NUP37: variants seen among roughly 807,000 people sequenced by gnomAD.
NUP37 encodes the protein nucleoporin Nup37.
A neutral mutation model predicts 45.4 loss-of-function variants in NUP37; 33 were observed. The observed-to-expected ratio is 0.73, with a 90% CI of 0.55 to 0.97. The LOEUF is 0.97. NUP37 is among the 50% of genes least tolerant of loss of function. The pLI is 0.00. For missense variants in NUP37, 365 were observed against 389.7 expected (o/e 0.94, Z 0.53); for synonymous variants, 127 against 130.7 (o/e 0.97, Z 0.19).
intron 5 of NUP37, among the ~76,000 whole-genome samples, chr12:102,087,839 G>A (rs1307204188): frequency 6.6e-6 from 1 of 152,076 alleles, no homozygotes; most frequent in African/African-American, 2.4e-5. Flanking sequence ...TCAAATGAAG[G>A]AAACAGAAGA....
intron 2 of NUP37, among the ~76,000 whole-genome samples, chr12:102,116,936 A>G (rs1359522931): frequency 6.6e-6 from 1 of 152,206 alleles, no homozygotes; most frequent in Admixed American, 6.5e-5. Flanking sequence ...CGGGAGGCAG[A>G]GGTTGCAGTG....
At chr12:102,108,077 T>C (rs1880206634) in intron 3 of NUP37, among the ~76,000 whole-genome samples, 2 of 152,214 alleles carry the variant, frequency 1.3e-5, no homozygotes, top group Admixed American at 1.3e-4. Context: ...GATTGAAGGA[T>C]ACAAAGTACT....
In NUP37 at chr12:102,076,417, G is replaced by A. The variant is rs144179253; in HGVS notation, c.773+380C>T. ...TTTAAGTGAAAAGCAAAAACATGTCGCAGAGATATACTATCTAGCATAGTT... is the reference window on the plus strand; with the variant it reads ...TTTAAGTGAAAAGCAAAAACATGTCACAGAGATATACTATCTAGCATAGTT... On this transcript the variant is annotated intron_variant, in intron 8 of 9. Transcript: ENST00000552283. Among the ~76,000 whole-genome samples, 1,334 of 152,228 alleles carry A rather than the reference G, an allele frequency of 8.8e-3. 23 individuals carry two copies. Among genetic ancestry groups the A allele is most frequent in the African/African-American group, 0.03 (1,239 of 41,534 alleles).
At chr12:102,083,671 CAATT>C (rs1449245965) in intron 6 of NUP37, among the ~76,000 whole-genome samples, 2 of 152,214 alleles carry the variant, frequency 1.3e-5, no homozygotes, top group South Asian at 2.1e-4. Flanking sequence ...AGTGTAGTGA[CAATT>C]AACCCTTGAA....
At chr12:102,112,760 T>C (rs779622109) in intron 2 of NUP37, among the ~76,000 whole-genome samples, 1 of 152,246 alleles carries the variant, frequency 6.6e-6, no homozygotes, top group Non-Finnish European at 1.5e-5. Context: ...TCTCACTACA[T>C]GGAAAATACT....
intron 5 of NUP37, among the ~76,000 whole-genome samples, chr12:102,092,186 A>G (rs1482694603): frequency 6.6e-6 from 1 of 152,208 alleles, no homozygotes; most frequent in Non-Finnish European, 1.5e-5. Flanking sequence ...AATTCATCGC[A>G]GAAGGGAATT....
At chr12:102,113,881 T>C (rs1483499571) in intron 2 of NUP37, among the ~76,000 whole-genome samples, 1 of 152,216 alleles carries the variant, frequency 6.6e-6, no homozygotes, top group Non-Finnish European at 1.5e-5. Flanking sequence ...TTTTCCAGGA[T>C]AGCCTATGGG....
At chr12:102,101,608 A>G (rs1288617864) in intron 3 of NUP37, among the ~76,000 whole-genome samples, 3 of 152,182 alleles carry the variant, frequency 2.0e-5, no homozygotes, top group Non-Finnish European at 4.4e-5. Flanking sequence ...ATAAAAGCTG[A>G]TAATATTTAT....
At chr12:102,111,258 G>A (rs1329170245) in intron 3 of NUP37, among the ~76,000 whole-genome samples, 1 of 152,164 alleles carries the variant, frequency 6.6e-6, no homozygotes, top group Non-Finnish European at 1.5e-5. Flanking sequence ...ATAGAAATCA[G>A]ATCAATGGTT....
At chr12:102,115,633 T>G (rs1328072366) in intron 2 of NUP37, among the ~76,000 whole-genome samples, 5 of 152,218 alleles carry the variant, frequency 3.3e-5, no homozygotes, top group Non-Finnish European at 7.3e-5. Flanking sequence ...CAGTTAACAG[T>G]ACTATCATTC....
intron 6 of NUP37, among the ~76,000 whole-genome samples, chr12:102,079,705 A>C (rs1879278495): frequency 6.6e-6 from 1 of 152,164 alleles, no homozygotes; most frequent in African/African-American, 2.4e-5. Context: ...GCACTACATT[A>C]CTGTGCTTGG....
chr12:102,115,279 T>C (rs1301129141), intron 2 of NUP37, among the ~76,000 whole-genome samples: 3 of 152,118 alleles, frequency 2.0e-5, no homozygotes, highest in Admixed American at 6.5e-5. Context: ...TGCTGTCTGA[T>C]ATGGTGGCCA....
chr12:102,074,270 AT>A lies in NUP37; in HGVS notation c.*83del. 1.4e-6 allele frequency: 1 copy of A among 737,798 alleles called. No homozygotes were observed. The highest frequency in any genetic ancestry group is 2.2e-6 in the Non-Finnish European group (1 of 450,320). The allele number at this position is 737,798 out of a possible 1,614,324, so 45.7% of individuals were successfully genotyped here. A position where few individuals can be genotyped will look rare whatever the true frequency, so the allele number is the denominator to read the frequency against. On this transcript the variant is annotated 3_prime_UTR_variant, in exon 10 of 10. Coordinates refer to ENST00000552283, the MANE Select transcript of NUP37 (RefSeq NM_024057.4). ...AGTATACGGTATATTTGATATAAAA[AT>A]TCTTCAAAATATGTACTATAGAAAT... is the stretch of plus-strand genomic sequence containing the variant.
At chr12:102,085,286 G>T (rs1374783544) in intron 6 of NUP37, among the ~76,000 whole-genome samples, 1 of 152,098 alleles carries the variant, frequency 6.6e-6, no homozygotes, top group African/African-American at 2.4e-5. Flanking sequence ...GCCAGGTGTG[G>T]TGGCATGTGC....
chr12:102,117,485 G>T (rs1880498823), intron 2 of NUP37, among the ~76,000 whole-genome samples: 1 of 152,020 alleles, frequency 6.6e-6, no homozygotes, highest in African/African-American at 2.4e-5. Context: ...ATAGACAAAG[G>T]ATTAACCAGA....
At position 102,074,221 on chromosome 12, in the gene NUP37, A is replaced by G; in HGVS notation, c.*133T>C. The G allele has an allele frequency of 2.0e-6, 1 of 493,780 alleles. No homozygotes were observed. Among genetic ancestry groups the G allele is most frequent in the Non-Finnish European group, 3.5e-6 (1 of 282,480 alleles). 30.6% of individuals were successfully genotyped at this position (493,780 alleles called of 1,614,324 possible). A position where few individuals can be genotyped will look rare whatever the true frequency, so the allele number is the denominator to read the frequency against. The stretch of plus-strand genomic sequence containing the variant: ...TCAAACCATCAACATTTTATTTAAT[A>G]AAAGCAACTGAGACATTTTCTAAAG... On this transcript the variant is annotated 3_prime_UTR_variant, in exon 10 of 10. Transcript: ENST00000552283.
intron 3 of NUP37, among the ~76,000 whole-genome samples, chr12:102,109,427 G>T (rs1880251903): frequency 1.3e-5 from 2 of 152,052 alleles, no homozygotes; most frequent in African/African-American, 2.4e-5. Flanking sequence ...AAAGTACAGA[G>T]AGTTACTATA....
chr12:102,115,826 C>T (rs1565838111), intron 2 of NUP37: 1 of 982,034 alleles, frequency 1.0e-6, no homozygotes, highest in African/African-American at 1.7e-5. Flanking sequence ...TCTCTCAAGA[C>T]AAGAGGCATG....
intron 5 of NUP37, 101 bp downstream of exon 5, chr12:102,099,005 A>G: frequency 3.7e-6 from 3 of 813,956 alleles, no homozygotes; most frequent in African/African-American, 1.7e-5. Flanking sequence ...ACAACACTCT[A>G]TAGAATTTAT....
Sources: allele counts gnomAD v4.1 joint callset (sites outside exome capture counted in the v4.1 genomes callset), GRCh38; gene constraint gnomAD v4.1.1; transcripts MANE v1.5; gene names NCBI Gene and HGNC (gene_info 2026-07-23, HGNC 2026-07-21).